STK35: variants seen among roughly 807,000 people sequenced by gnomAD.
The protein encoded by STK35 is serine/threonine-protein kinase 35.
STK35 carries 17 observed loss-of-function variants against 37.3 expected under a neutral mutation model. That is an observed-to-expected ratio of 0.46 (90% CI 0.31 to 0.68). The LOEUF is 0.68. Among genes scored for constraint, STK35 ranks in the 30% least tolerant of loss-of-function variants. The pLI is 0.05. For missense variants in STK35, 595 were observed against 746.7 expected, an observed-to-expected ratio of 0.80 and a Z score of 2.37; for synonymous variants, 385 against 319.1, an observed-to-expected ratio of 1.21 and a Z score of -2.20.
intron 3 of STK35, among the ~76,000 whole-genome samples, chr20:2,141,677 G>C (rs1440286351): frequency 6.6e-6 from 1 of 152,180 alleles, no homozygotes; most frequent in Non-Finnish European, 1.5e-5. Context: ...ACATGTTGGT[G>C]TATTTATTGT....
chr20:2,133,948 T>TCTC (rs1383308963), intron 3 of STK35, among the ~76,000 whole-genome samples: 37 of 152,136 alleles, frequency 2.4e-4, no homozygotes, highest in African/African-American at 8.9e-4. Flanking sequence ...CCTCAGTAAG[T>TCTC]CATACCCTGC....
intron 2 of STK35, among the ~76,000 whole-genome samples, chr20:2,106,229 C>T (rs1216402377): frequency 6.6e-6 from 1 of 152,096 alleles, no homozygotes; most frequent in East Asian, 1.9e-4. Flanking sequence ...ATGCAAATAC[C>T]ACCCAGTAAT....
chr20:2,134,174 C>T (rs1275758728), intron 3 of STK35, among the ~76,000 whole-genome samples: 4 of 151,094 alleles, frequency 2.6e-5, no homozygotes, highest in African/African-American at 9.7e-5. Context: ...GCAGGAGAAT[C>T]GCTTGAACCC....
rs185698378 is a variant in STK35 at position 2,134,082 on chromosome 20, T to C, written c.*38-9702T>C. Among the ~76,000 whole-genome samples, 33 of 152,194 alleles carry C rather than the reference T, an allele frequency of 2.2e-4. No homozygotes were observed. In the East Asian group the frequency reaches 5.0e-3, roughly 23 times the overall value. ...CAGCATAGAGCCTGTCTCCTCCTGA[T>C]AACATTCGTCCACTTGAAAGGGGAG... On this transcript the variant is annotated intron_variant, in intron 3 of 3. Coordinates refer to ENST00000381482, the MANE Select transcript of STK35 (RefSeq NM_080836.4).
Position 2,117,122 on chromosome 20 carries a change from G to A in STK35, c.1349G>A (p.Arg450Lys). The change falls in exon 3 of 4, where the codon AGA (arginine) becomes AAA (lysine). Residue 450 changes from arginine to lysine, a missense_variant. Around this residue, in one of 3 missense-constraint regions of STK35, gnomAD observed 109 missense variants for 280.3 expected, o/e 0.39. Transcript: ENST00000381482. The surrounding 1 kb of genome is among the most constrained non-coding windows in gnomAD (Gnocchi z 4.4). ...ATTATCATCTGGGCAATGATAGAAAGAATCACTTTTATTGACTCTGAGACC... is the reference window on the plus strand; with the variant it reads ...ATTATCATCTGGGCAATGATAGAAAAAATCACTTTTATTGACTCTGAGACC... ...LGIIIWAMIE[R>K]ITFIDSETKK... The A allele has an allele frequency of 1.9e-6, 3 of 1,613,782 alleles. No homozygotes were observed. The highest frequency in any genetic ancestry group is 2.5e-6 in the Non-Finnish European group (3 of 1,179,784).
Position 2,102,173 on chromosome 20 carries a change from C to T in STK35, c.292C>T (p.Gln98Ter). The T allele has an allele frequency of 7.3e-7, 1 of 1,378,454 alleles. No individual in the cohort carries two copies. Among genetic ancestry groups the T allele is most frequent in the Non-Finnish European group, 9.4e-7 (1 of 1,067,188 alleles). 85.4% of individuals were successfully genotyped at this position (1,378,454 alleles called of 1,614,324 possible). A position where few individuals can be genotyped will look rare whatever the true frequency, so the allele number is the denominator to read the frequency against. The change falls in exon 1 of 4, where the codon CAG becomes TAG. Residue 98 changes from glutamine (Q) to a stop codon, truncating the protein, a stop_gained and splice_region_variant. Coordinates refer to ENST00000381482, the MANE Select transcript of STK35 (RefSeq NM_080836.4). LOFTEE classifies it high-confidence loss of function. The part of the protein sequence containing the change: ...RAARKWRCAG[Q>*]VTIQGPAPPR... ...CGCCCGGAAGTGGAGGTGCGCGGGC[C>T]AGGTAAGGGCGCCGTTGGAGGACTG...
At chr20:2,111,314 A>G (rs1985613362) in intron 2 of STK35, among the ~76,000 whole-genome samples, 1 of 152,232 alleles carries the variant, frequency 6.6e-6, no homozygotes, top group Non-Finnish European at 1.5e-5. Flanking sequence ...TGGTGTGCCC[A>G]TAGCGTTGTC....
At chr20:2,112,302 A>G (rs1985635067) in intron 2 of STK35, among the ~76,000 whole-genome samples, 2 of 152,196 alleles carry the variant, frequency 1.3e-5, no homozygotes, top group Non-Finnish European at 2.9e-5. Flanking sequence ...CTTAAGCACT[A>G]CTGATGAATT....
chr20:2,102,821 G>A lies in STK35; in HGVS notation c.348G>A (p.Glu116=), dbSNP rs372482538. Residue 116 remains glutamate (E), a synonymous_variant, in exon 2 of 4, where the codon GAG becomes GAA. Transcript: ENST00000381482. ...GTCCCAGGGCCGGACGGAGGGATGA[G>A]GCAGGGGGGGCCCGGGCAGCGCCGT... ...PPRPRAGRRD[E]AGGARAAPLL... 10,821 of 1,524,650 alleles carry A rather than the reference G, an allele frequency of 7.1e-3. 46 individuals are homozygous for A. Among genetic ancestry groups the A allele is most frequent in the Non-Finnish European group, 8.7e-3 (9,907 of 1,142,360 alleles). 94.4% of individuals were successfully genotyped at this position (1,524,650 alleles called of 1,614,324 possible). A position where few individuals can be genotyped will look rare whatever the true frequency, so the allele number is the denominator to read the frequency against.
chr20:2,133,432 T>A (rs1294109939), intron 3 of STK35, among the ~76,000 whole-genome samples: 3 of 152,214 alleles, frequency 2.0e-5, no homozygotes, highest in Non-Finnish European at 4.4e-5. Flanking sequence ...GGAGGGGAAT[T>A]AGGGTATCCA....
At chr20:2,102,269 A>C (rs1985407953) in intron 1 of STK35, 94 bp downstream of exon 1, 10 of 1,365,582 alleles carry the variant, frequency 7.3e-6, no homozygotes, top group Non-Finnish European at 9.5e-6. Flanking sequence ...GTCCTCGGCC[A>C]GTCGCACTCC....
intron 3 of STK35, among the ~76,000 whole-genome samples, chr20:2,142,584 C>T (rs1011599873): frequency 7.2e-5 from 11 of 152,174 alleles, no homozygotes; most frequent in African/African-American, 2.7e-4. Context: ...GACAAAACGT[C>T]GTCTCTACTA....
At position 2,145,547 on chromosome 20, in the gene STK35, A is replaced by G. The variant is rs1196499737; in HGVS notation, c.*1801A>G. The G allele has an allele frequency of 6.6e-6, 1 of 151,914 alleles. No individual in the cohort carries two copies. Among genetic ancestry groups the G allele is most frequent in the East Asian group, 1.9e-4 (1 of 5,160 alleles). 9.4% of individuals were successfully genotyped at this position (151,914 alleles called of 1,614,324 possible). A position where few individuals can be genotyped will look rare whatever the true frequency, so the allele number is the denominator to read the frequency against. Reference sequence around the variant, plus strand: ...TTTCAGCCTTCTGTCACCCCCCTCAACACCAAACTTTCTTCCTTGTGAGCA... The same window carrying G: ...TTTCAGCCTTCTGTCACCCCCCTCAGCACCAAACTTTCTTCCTTGTGAGCA... On this transcript the variant is annotated 3_prime_UTR_variant, in exon 4 of 4. Transcript: ENST00000381482.
rs1013613563 is a variant in STK35 at position 2,147,816 on chromosome 20, A to G, written c.*4070A>G. 4 of 152,122 alleles carry G rather than the reference A, an allele frequency of 2.6e-5. No individual in the cohort carries two copies. Among genetic ancestry groups the G allele is most frequent in the African/African-American group, 7.2e-5 (3 of 41,402 alleles). 9.4% of individuals were successfully genotyped at this position (152,122 alleles called of 1,614,324 possible). On this transcript the variant is annotated 3_prime_UTR_variant, in exon 4 of 4. Transcript: ENST00000381482. ...GCAACCTTGGAAGAGCCAAGCTGACATTGTTTAGCTCTTCAGGCCACTGGG... is the reference window on the plus strand; with the variant it reads ...GCAACCTTGGAAGAGCCAAGCTGACGTTGTTTAGCTCTTCAGGCCACTGGG...
At chr20:2,131,027 T>C (rs1985990804) in intron 3 of STK35, among the ~76,000 whole-genome samples, 1 of 152,254 alleles carries the variant, frequency 6.6e-6, no homozygotes. Flanking sequence ...CCGATCATCT[T>C]GCATTCACTA....
chr20:2,142,037 G>A (rs957485283), intron 3 of STK35, among the ~76,000 whole-genome samples: 10 of 152,194 alleles, frequency 6.6e-5, no homozygotes, highest in Non-Finnish European at 1.3e-4. Context: ...AACAGTGCCA[G>A]ACTACCTTCC....
intron 3 of STK35, among the ~76,000 whole-genome samples, chr20:2,124,821 T>A (rs1310044841): frequency 6.6e-6 from 1 of 152,208 alleles, no homozygotes. Flanking sequence ...TGGTGTTTTC[T>A]GAGGAGTTTT....
intron 3 of STK35, among the ~76,000 whole-genome samples, chr20:2,130,355 C>T (rs942552159): frequency 2.0e-5 from 3 of 152,268 alleles, no homozygotes; most frequent in East Asian, 3.9e-4. Context: ...AGTCTTGCTG[C>T]GTTTTGTTCT....
intron 3 of STK35, among the ~76,000 whole-genome samples, chr20:2,125,745 GC>G (rs1262784130): frequency 3.3e-5 from 5 of 152,342 alleles, no homozygotes; most frequent in African/African-American, 7.2e-5. Context: ...GGCAGAGGAG[GC>G]AAGGCTGGGA....
Sources: allele counts gnomAD v4.1 joint callset (sites outside exome capture counted in the v4.1 genomes callset), GRCh38; gene constraint gnomAD v4.1.1; regional missense constraint gnomAD v4.1.1; non-coding constraint Gnocchi (gnomAD v3.1); transcripts MANE v1.5; gene names NCBI Gene and HGNC (gene_info 2026-07-23, HGNC 2026-07-21).